The following ADAP1 variants were observed in gnomAD, a reference collection of about 807,000 sequenced individuals.
ADAP1 encodes the protein ArfGAP with dual PH domains 1, also known as arf-GAP with dual PH domain-containing protein 1.
In ADAP1, 31 loss-of-function variants were observed where a neutral mutation model predicts 54.9. That is an observed-to-expected ratio of 0.56 (90% CI 0.42 to 0.76). ADAP1 has a LOEUF of 0.76. Among genes scored for constraint, ADAP1 ranks in the 30% least tolerant of loss-of-function variants. ADAP1 has a pLI of 0.00. For synonymous variants in ADAP1, 313 were observed against 202.6 expected (o/e 1.55, Z -4.63); for missense variants, 535 against 512.4 (o/e 1.04, Z -0.42).
At position 920,705 on chromosome 7, in the gene ADAP1, G is replaced by T; in HGVS notation, c.306-655C>A. 1 of 1,238,420 alleles carries T rather than the reference G, an allele frequency of 8.1e-7. No individual in the cohort carries two copies. The highest frequency in any genetic ancestry group is 1.1e-6 in the Non-Finnish European group (1 of 892,758). The allele number at this position is 1,238,420 out of a possible 1,614,324, so 76.7% of individuals were successfully genotyped here. A position where few individuals can be genotyped will look rare whatever the true frequency, so the allele number is the denominator to read the frequency against. On this transcript the variant is annotated intron_variant, in intron 3 of 10. Coordinates refer to ENST00000265846, the MANE Select transcript of ADAP1 (RefSeq NM_006869.4). This position sits in a 1 kb window ranked among gnomAD's most constrained non-coding sequence, Gnocchi z 4.5. ...CCCGAGAGTAAAGCCCGGGACGAGG[G>T]CCCCCCACGGCACCCACTGAGCCCA... is the stretch of plus-strand genomic sequence containing the variant.
At chr7:908,198 A>T (rs553688640) in intron 4 of ADAP1, among the ~76,000 whole-genome samples, 1 of 152,288 alleles carries the variant, frequency 6.6e-6, no homozygotes, top group South Asian at 2.1e-4. Flanking sequence ...AGCAGCCAAC[A>T]GGCCAGACAG....
At chr7:911,239 A>T (rs1224491967) in intron 4 of ADAP1, among the ~76,000 whole-genome samples, 1 of 151,972 alleles carries the variant, frequency 6.6e-6, no homozygotes. Flanking sequence ...GTCAGCTCTC[A>T]CCCTGTTCCT....
chr7:905,880 A>AGAAGGGAGAAG (rs1562913143), intron 4 of ADAP1, among the ~76,000 whole-genome samples: 341 of 24,300 alleles, frequency 0.014, 3 homozygotes, highest in Admixed American at 0.027. Context: ...GAAGGGAGAA[A>AGAAGGGAGAAG]GGAGAAAGGA....
rs3808346 is a variant in ADAP1, at chr7:920,522, C to T, written c.306-472G>A. Reference sequence around the variant, plus strand: ...CACCGTGCTGCCACCTTGCACCCCCCGTGCCGCCCTCCACCCGCCGTGCCG... The same window carrying T: ...CACCGTGCTGCCACCTTGCACCCCCTGTGCCGCCCTCCACCCGCCGTGCCG... On this transcript the variant is annotated intron_variant, in intron 3 of 10. Transcript: ENST00000265846. This position sits in a 1 kb window ranked among gnomAD's most constrained non-coding sequence, Gnocchi z 4.5. Among the ~76,000 whole-genome samples the T allele has an allele frequency of 2.0e-5, 3 of 151,532 alleles. No homozygotes were observed. Among genetic ancestry groups the T allele is most frequent in the East Asian group, 3.9e-4 (2 of 5,136 alleles).
At chr7:909,106 CGCCAGCGGGAACCCCG>C (rs1845601873) in intron 4 of ADAP1, among the ~76,000 whole-genome samples, 1 of 147,776 alleles carries the variant, frequency 6.8e-6, no homozygotes, top group Non-Finnish European at 1.5e-5. Flanking sequence ...GGGGTCCAGA[CGCCAGCGGGAACCCCG>C]GTCCTCCCGA....
rs563615317 is a variant in ADAP1, at chr7:898,739, C to G, written c.*182G>C. ...AGATCAGGCCCAGGGCCTGGGCTGCCTGCCTTGAGGTTCCAGAGAAGCATC... is the reference window on the plus strand; with the variant it reads ...AGATCAGGCCCAGGGCCTGGGCTGCGTGCCTTGAGGTTCCAGAGAAGCATC... On this transcript the variant is annotated 3_prime_UTR_variant, in exon 11 of 11. Transcript: ENST00000265846. The G allele has an allele frequency of 2.6e-6, 2 of 755,692 alleles. No homozygotes were observed. Among genetic ancestry groups the G allele is most frequent in the Non-Finnish European group, 4.3e-6 (2 of 463,386 alleles). 46.8% of individuals were successfully genotyped at this position (755,692 alleles called of 1,614,324 possible). A position where few individuals can be genotyped will look rare whatever the true frequency, so the allele number is the denominator to read the frequency against.
intron 2 of ADAP1, among the ~76,000 whole-genome samples, chr7:932,658 G>A (rs536870035): frequency 6.6e-6 from 1 of 152,304 alleles, no homozygotes; most frequent in South Asian, 2.1e-4. Flanking sequence ...ACAGCCTGGC[G>A]AAGGGATGGA....
At chr7:933,570 T>G (rs1583176426) in intron 2 of ADAP1, among the ~76,000 whole-genome samples, 1 of 75,982 alleles carries the variant, frequency 1.3e-5, no homozygotes, top group Non-Finnish European at 2.4e-5. Flanking sequence ...CCGGGGTCAG[T>G]GGTGGTGCAG....
chr7:927,966 A>G (rs908820154), intron 2 of ADAP1, among the ~76,000 whole-genome samples: 3 of 151,968 alleles, frequency 2.0e-5, no homozygotes, highest in Admixed American at 1.3e-4. Context: ...CTGTAGTCCC[A>G]GCACTTTGGG....
chr7:906,693 ACATGGACATGGGGG>A, intron 4 of ADAP1, among the ~76,000 whole-genome samples: 1 of 52,294 alleles, frequency 1.9e-5, no homozygotes, highest in South Asian at 6.7e-4. Context: ...GACACGGGGG[ACATGGACATGGGGG>A]ACGGGACATC....
intron 4 of ADAP1, among the ~76,000 whole-genome samples, chr7:914,079 G>C (rs1342702892): frequency 6.6e-6 from 1 of 152,230 alleles, no homozygotes; most frequent in African/African-American, 2.4e-5. Flanking sequence ...CCCCCGCCCT[G>C]TGAGAACAAC....
At chr7:919,652 CAGAG>C (rs574362508) in intron 4 of ADAP1, among the ~76,000 whole-genome samples, 10 of 110,912 alleles carry the variant, frequency 9.0e-5, no homozygotes, top group Non-Finnish European at 1.4e-4. Flanking sequence ...AACAGAGACA[CAGAG>C]AGATAAAGAG....
intron 1 of ADAP1, among the ~76,000 whole-genome samples, chr7:935,748 G>T (rs1846740527): frequency 6.6e-6 from 1 of 151,856 alleles, no homozygotes; most frequent in African/African-American, 2.4e-5. Flanking sequence ...CGATCTGCAT[G>T]CACCTGCTCT....
At chr7:917,661 G>A (rs752393051) in intron 4 of ADAP1, among the ~76,000 whole-genome samples, 4 of 152,110 alleles carry the variant, frequency 2.6e-5, no homozygotes, top group Non-Finnish European at 4.4e-5. Flanking sequence ...AAACAGTTTT[G>A]CCACGTTGAC....
At chr7:907,180 C>T (rs1015046005) in intron 4 of ADAP1, among the ~76,000 whole-genome samples, 3 of 152,200 alleles carry the variant, frequency 2.0e-5, no homozygotes, top group Non-Finnish European at 4.4e-5. Flanking sequence ...GCACACCACA[C>T]ACAGCCACAG....
intron 2 of ADAP1, among the ~76,000 whole-genome samples, chr7:929,566 T>C (rs916134967): frequency 6.0e-5 from 9 of 151,096 alleles, no homozygotes; most frequent in Non-Finnish European, 1.0e-4. Context: ...TTCCATCTGT[T>C]TGAAATGTTC....
rs768207570 is a variant in ADAP1, at chr7:905,282, GGAC to G, written c.389-113_389-111del. On this transcript the variant is annotated intron_variant, in intron 4 of 10. Coordinates refer to ENST00000265846, the MANE Select transcript of ADAP1 (RefSeq NM_006869.4). ...CATGGGGAGAAGACACGGGGGACAC[GGAC>G]GGGGGACACGGACAGGGGGAGACGG... 1.3e-4 allele frequency: 51 copies of G among 386,494 alleles called. 1 individual carries two copies. The highest frequency in any genetic ancestry group is 1.2e-3 in the African/African-American group (13 of 10,526). The allele number at this position is 386,494 out of a possible 1,614,324, so 23.9% of individuals were successfully genotyped here.
Position 900,622 on chromosome 7 carries a change from G to A in ADAP1, c.649-6C>T. The A allele has an allele frequency of 6.7e-7, 1 of 1,484,752 alleles. No individual in the cohort carries two copies. The highest frequency in any genetic ancestry group is 9.0e-7 in the Non-Finnish European group (1 of 1,116,650). 92.0% of individuals were successfully genotyped at this position (1,484,752 alleles called of 1,614,324 possible). Reference sequence around the variant, plus strand: ...TTGAACCAGTCCACAATCTCCTAGGGGCAAAGGTGGGCACAGGCTTGGGCT... The same window carrying A: ...TTGAACCAGTCCACAATCTCCTAGGAGCAAAGGTGGGCACAGGCTTGGGCT... On this transcript the variant is annotated splice_polypyrimidine_tract_variant and splice_region_variant and intron_variant, in intron 6 of 10. Transcript: ENST00000265846.
At chr7:902,934 A>G (rs948886831) in intron 6 of ADAP1, among the ~76,000 whole-genome samples, 5 of 152,204 alleles carry the variant, frequency 3.3e-5, no homozygotes, top group African/African-American at 9.6e-5. Flanking sequence ...GCCAGGCAGG[A>G]GGTAGAACAG....
Sources: gnomAD v4.1 joint callset for allele counts (sites outside exome capture counted in the v4.1 genomes callset) on GRCh38, gnomAD v4.1.1 for gene constraint, Gnocchi (gnomAD v3.1) non-coding constraint, MANE v1.5 for transcripts, NCBI Gene and HGNC (gene_info 2026-07-23, HGNC 2026-07-21) for gene names.